The following EDARADD variants were observed in gnomAD, a reference collection of about 807,000 sequenced individuals.
The protein encoded by EDARADD is ectodysplasin-A receptor-associated adapter protein.
Under a neutral mutation model 25.6 loss-of-function variants are expected in EDARADD, and 20 were observed. That is an observed-to-expected ratio of 0.78 (90% confidence interval 0.55 to 1.14). EDARADD has a LOEUF of 1.14. Among genes scored for constraint, EDARADD ranks in the 50% most tolerant of loss-of-function variants. The pLI is 0.00. For missense variants in EDARADD, 225 were observed against 270.1 expected (o/e 0.83, Z 1.17); for synonymous variants, 86 against 94.4 (o/e 0.91, Z 0.52).
chr1:236,424,727 A>G (rs557529709), intron 3 of EDARADD, among the ~76,000 whole-genome samples: 2 of 152,210 alleles, frequency 1.3e-5, no homozygotes, highest in South Asian at 2.1e-4. Context: ...AGTTTTCCCT[A>G]CAACTCTGAG....
At position 236,468,227 on chromosome 1, in the gene EDARADD, T is replaced by C. The variant is rs769534560; in HGVS notation, c.220-4T>C. 1.4e-5 allele frequency: 22 copies of C among 1,613,848 alleles called. No individual in the cohort carries two copies. The highest frequency in any genetic ancestry group is 2.7e-5 in the African/African-American group (2 of 74,916). On this transcript the variant is annotated splice_region_variant and splice_polypyrimidine_tract_variant and intron_variant, in intron 4 of 5. Transcript: ENST00000334232. ...TTTAATGAAGGTTGCTTTTTGGTTT[T>C]TAGGGAGAAGAAAATGGCTTTCCAG...
intron 4 of EDARADD, among the ~76,000 whole-genome samples, chr1:236,458,739 G>T (rs1571948350): frequency 6.7e-6 from 1 of 149,754 alleles, no homozygotes; most frequent in South Asian, 2.1e-4. Flanking sequence ...CACTTCCCAG[G>T]TTCAAGAGAT....
chr1:236,426,005 T>A (rs993867417), intron 3 of EDARADD, among the ~76,000 whole-genome samples: 1 of 151,858 alleles, frequency 6.6e-6, no homozygotes, highest in Non-Finnish European at 1.5e-5. Context: ...GGAGACAGGG[T>A]CTCACTCTGT....
At chr1:236,421,642 T>C (rs906899037) in intron 3 of EDARADD, among the ~76,000 whole-genome samples, 6 of 151,742 alleles carry the variant, frequency 4.0e-5, no homozygotes, top group African/African-American at 1.5e-4. Flanking sequence ...GGATTACAGA[T>C]GCCCGCCACC....
Position 236,398,933 on chromosome 1 carries a change from A to ACATAG in EDARADD, c.61+4429_61+4433dup, listed in dbSNP as rs1667567187. 6.6e-6 allele frequency among the ~76,000 whole-genome samples: 1 copy of ACATAG among 152,196 alleles called. No homozygotes were observed. ...CCTAACACTCAGCATAGTACTCCGCACATAGTAAGCCCTGGGCAAATACCA... is the reference window on the plus strand; with the variant it reads ...CCTAACACTCAGCATAGTACTCCGCACATAGCATAGTAAGCCCTGGGCAAATACCA... On this transcript the variant is annotated intron_variant, in intron 1 of 5. Coordinates refer to ENST00000334232, the MANE Select transcript of EDARADD (RefSeq NM_145861.4). This position sits in a 1 kb window ranked among gnomAD's most constrained non-coding sequence, Gnocchi z 4.1.
chr1:236,418,190 T>C (rs1438734871), intron 3 of EDARADD, among the ~76,000 whole-genome samples: 1 of 151,630 alleles, frequency 6.6e-6, no homozygotes, highest in Non-Finnish European at 1.5e-5. Flanking sequence ...CCTGACTTCA[T>C]GATCCACCTG....
Position 236,395,369 on chromosome 1 carries a change from G to C in EDARADD, c.61+864G>C. The stretch of plus-strand genomic sequence containing the variant: ...CGCGGCACCCCGGCTCCCGCCCCGC[G>C]CCTCTGGAGGGAGGTACCGAGGGAC... On this transcript the variant is annotated intron_variant, in intron 1 of 5. Coordinates refer to ENST00000334232, the MANE Select transcript of EDARADD (RefSeq NM_145861.4). This position sits in a 1 kb window ranked among gnomAD's most constrained non-coding sequence, Gnocchi z 6.9. 1 of 1,346,960 alleles carries C rather than the reference G, an allele frequency of 7.4e-7. No homozygotes were observed. Among genetic ancestry groups the C allele is most frequent in the Non-Finnish European group, 9.5e-7 (1 of 1,049,166 alleles). 83.4% of individuals were successfully genotyped at this position (1,346,960 alleles called of 1,614,324 possible).
At chr1:236,382,815 G>C (rs1436562237) in intron 3 of EDARADD, among the ~76,000 whole-genome samples, 2 of 152,154 alleles carry the variant, frequency 1.3e-5, no homozygotes, top group Non-Finnish European at 2.9e-5. Context: ...TACTAGCCCT[G>C]AGTGAGCACC....
At chr1:236,460,813 T>C (rs1347953650) in intron 4 of EDARADD, among the ~76,000 whole-genome samples, 2 of 149,250 alleles carry the variant, frequency 1.3e-5, no homozygotes, top group African/African-American at 4.9e-5. Flanking sequence ...TGAGAAAGTT[T>C]TGTGGGGTTT....
At chr1:236,464,514 C>T (rs1325278205) in intron 4 of EDARADD, among the ~76,000 whole-genome samples, 2 of 144,504 alleles carry the variant, frequency 1.4e-5, no homozygotes, top group African/African-American at 2.6e-5. Flanking sequence ...CTCAATGCAA[C>T]CTCCGCCTCC....
In EDARADD at chr1:236,483,624, A is replaced by G; in HGVS notation, c.*975A>G. 6.4e-7 allele frequency: 1 copy of G among 1,552,568 alleles called. No individual in the cohort carries two copies. The highest frequency in any genetic ancestry group is 8.9e-7 in the Non-Finnish European group (1 of 1,126,046). On this transcript the variant is annotated 3_prime_UTR_variant, in exon 6 of 6. Coordinates refer to ENST00000334232, the MANE Select transcript of EDARADD (RefSeq NM_145861.4). ...GCCAGTCCCGGTGTTCAATGTCATC[A>G]ATGGCAGTTCTCATGCTGTCACCAA... is the stretch of plus-strand genomic sequence containing the variant.
At chr1:236,442,367 C>G (rs1447678179) in intron 4 of EDARADD, among the ~76,000 whole-genome samples, 1 of 152,176 alleles carries the variant, frequency 6.6e-6, no homozygotes, top group African/African-American at 2.4e-5. Flanking sequence ...CTCAAGTGAT[C>G]CTCCCGCCTT....
In EDARADD at chr1:236,411,739, C is replaced by T. The variant is rs138063597; in HGVS notation, c.120+2465C>T. ...AATTTTTTTGTATTTTTAGTAGAGA[C>T]GGGGTTTCACCATGTTAGTCAGGCT... On this transcript the variant is annotated intron_variant, in intron 2 of 5. Coordinates refer to ENST00000334232, the MANE Select transcript of EDARADD (RefSeq NM_145861.4). Among the ~76,000 whole-genome samples the T allele has an allele frequency of 2.5e-3, 382 of 152,040 alleles. 2 individuals are homozygous for T. The highest frequency in any genetic ancestry group is 8.8e-3 in the African/African-American group (367 of 41,472).
upstream of EDARADD, among the ~76,000 whole-genome samples, chr1:236,389,870 G>A (rs560755332): frequency 2.6e-4 from 39 of 152,210 alleles, 1 homozygote; most frequent in South Asian, 1.5e-3. Context: ...TTGGCCAGGC[G>A]TGGTGGGGTA....
intron 4 of EDARADD, among the ~76,000 whole-genome samples, chr1:236,456,052 G>A (rs569959161): frequency 1.3e-5 from 2 of 152,044 alleles, no homozygotes; most frequent in African/African-American, 4.8e-5. Flanking sequence ...GCCTCCCAAA[G>A]TACAGGGATT....
chr1:236,437,462 C>T (rs1483444886), intron 4 of EDARADD, among the ~76,000 whole-genome samples: 1 of 151,880 alleles, frequency 6.6e-6, no homozygotes, highest in Non-Finnish European at 1.5e-5. Context: ...GAAAGGTCAT[C>T]CTAGCAGGGG....
rs555924818 is a variant in EDARADD at position 236,411,251 on chromosome 1, C to G, written c.120+1977C>G. On this transcript the variant is annotated intron_variant, in intron 2 of 5. Transcript: ENST00000334232. Reference sequence around the variant, plus strand: ...GGCTGTCGCAACAGAATACCACAGACTGGGCAGCTTTCACAATAGAAATGT... The same window carrying G: ...GGCTGTCGCAACAGAATACCACAGAGTGGGCAGCTTTCACAATAGAAATGT... 5.9e-5 allele frequency among the ~76,000 whole-genome samples: 9 copies of G among 152,310 alleles called. No homozygotes were observed. In the South Asian group the frequency reaches 6.2e-4, roughly 11 times the overall value.
intron 3 of EDARADD, among the ~76,000 whole-genome samples, chr1:236,352,267 T>A (rs1666923483): frequency 6.6e-6 from 1 of 152,246 alleles, no homozygotes; most frequent in African/African-American, 2.4e-5. Flanking sequence ...TTATTATCTC[T>A]GTCTCTCCTG....
At chr1:236,452,214 G>T (rs1251846753) in intron 4 of EDARADD, among the ~76,000 whole-genome samples, 2 of 152,210 alleles carry the variant, frequency 1.3e-5, no homozygotes, top group Non-Finnish European at 2.9e-5. Flanking sequence ...ACTTGGCTTG[G>T]ATGGGGCAGA....
Sources: allele counts gnomAD v4.1 joint callset (sites outside exome capture counted in the v4.1 genomes callset), GRCh38; gene constraint gnomAD v4.1.1; non-coding constraint Gnocchi (gnomAD v3.1); transcripts MANE v1.5; gene names NCBI Gene and HGNC (gene_info 2026-07-23, HGNC 2026-07-21).